Variants in NBAS observed in about 807,000 individuals in gnomAD.
NBAS encodes NBAS subunit of NRZ tethering complex.
A neutral mutation model predicts 302.5 loss-of-function variants in NBAS; 219 were observed. That is an observed-to-expected ratio of 0.72 (90% CI 0.65 to 0.81). The LOEUF is 0.81. NBAS is among the 30% of genes least tolerant of loss of function. NBAS has a pLI of 0.00. For synonymous variants in NBAS, 1,118 were observed against 1,021.6 expected (o/e 1.09, Z -1.80); for missense variants, 2,932 against 2,841.6 (o/e 1.03, Z -0.72).
the NBAS span, among the ~76,000 whole-genome samples, chr2:15,024,519 T>C: frequency 2.6e-5 from 4 of 152,212 alleles, no homozygotes; most frequent in African/African-American, 9.6e-5. Flanking sequence ...TAGTTCTGTT[T>C]TTAGTTCTTT....
chr2:15,134,755 T>A, the NBAS span, among the ~76,000 whole-genome samples: 1 of 152,222 alleles, frequency 6.6e-6, no homozygotes, highest in Non-Finnish European at 1.5e-5. Context: ...ATGGCTTGTA[T>A]ATCTACCCTT....
chr2:15,557,906 TA>T (rs1262671076), intron 2 of NBAS, among the ~76,000 whole-genome samples: 24 of 152,206 alleles, frequency 1.6e-4, no homozygotes, highest in African/African-American at 5.6e-4. Context: ...TGTCAGGAGT[TA>T]AATGAATACC....
chr2:14,858,699 G>T, the NBAS span, among the ~76,000 whole-genome samples: 1 of 152,044 alleles, frequency 6.6e-6, no homozygotes, highest in African/African-American at 2.4e-5. Flanking sequence ...AGGAAGTGGA[G>T]ATGGTTAATG....
intron 18 of NBAS, 121 bp from the exon 19 acceptor site, chr2:15,467,528 C>A: frequency 7.8e-7 from 1 of 1,284,402 alleles, no homozygotes; most frequent in Non-Finnish European, 1.1e-6. Flanking sequence ...CAGAAAAGCA[C>A]AAGGGTAAGA....
intron 48 of NBAS, among the ~76,000 whole-genome samples, chr2:15,210,842 T>C (rs141361623): frequency 6.6e-6 from 1 of 152,000 alleles, no homozygotes; most frequent in African/African-American, 2.4e-5. Context: ...GAACTGGAGG[T>C]CATAATGTTA....
At chr2:15,399,935 A>T (rs1177800022) in intron 26 of NBAS, among the ~76,000 whole-genome samples, 2 of 152,248 alleles carry the variant, frequency 1.3e-5, no homozygotes, top group Non-Finnish European at 2.9e-5. Context: ...GATTCCATGT[A>T]CAATTAAACC....
the NBAS span, among the ~76,000 whole-genome samples, chr2:14,859,766 T>C: frequency 6.6e-6 from 1 of 152,176 alleles, no homozygotes; most frequent in East Asian, 1.9e-4. Context: ...CTCCAGGACA[T>C]TGGTCTGGGC....
At chr2:14,886,728 C>T in the NBAS span, 3 of 152,182 alleles carry the variant, frequency 2.0e-5, no homozygotes, top group East Asian at 1.9e-4. Flanking sequence ...CATCTTCCTC[C>T]GAGGGAAATG....
Position 15,377,750 on chromosome 2 carries a change from T to C in NBAS, c.3590+1852A>G, listed in dbSNP as rs112509925. Among the ~76,000 whole-genome samples the C allele has an allele frequency of 7.1e-3, 1,082 of 152,284 alleles. 10 individuals carry two copies. Among genetic ancestry groups the C allele is most frequent in the African/African-American group, 0.022 (920 of 41,552 alleles). ...CCACTCAACACAATGCTGTAAAGCATATGAAAATGCTGCAGATCTGTATAC... is the reference window on the plus strand; with the variant it reads ...CCACTCAACACAATGCTGTAAAGCACATGAAAATGCTGCAGATCTGTATAC... On this transcript the variant is annotated intron_variant, in intron 30 of 51. Coordinates refer to ENST00000281513, the MANE Select transcript of NBAS (RefSeq NM_015909.4).
At chr2:14,792,854 T>A in the NBAS span, among the ~76,000 whole-genome samples, 1 of 152,160 alleles carries the variant, frequency 6.6e-6, no homozygotes, top group Non-Finnish European at 1.5e-5. Context: ...ATTATCTGAC[T>A]AGAGTTTTAA....
intron 51 of NBAS, among the ~76,000 whole-genome samples, chr2:15,178,349 T>C (rs1011692122): frequency 6.6e-6 from 1 of 152,176 alleles, no homozygotes; most frequent in South Asian, 2.1e-4. Context: ...TCATACAACA[T>C]GAGTTCGTTA....
rs372750980 is a variant in NBAS, at chr2:15,394,352, A to G, written c.3135-3T>C. Reference sequence around the variant, plus strand: ...GTTTTTCCAAAAGCTCTGACACACTATAAGTGAAAAAAGAATTATTTAATG... The same window carrying G: ...GTTTTTCCAAAAGCTCTGACACACTGTAAGTGAAAAAAGAATTATTTAATG... On this transcript the variant is annotated splice_region_variant and splice_polypyrimidine_tract_variant and intron_variant, in intron 27 of 51. Transcript: ENST00000281513. 53 of 1,612,564 alleles carry G rather than the reference A, an allele frequency of 3.3e-5. No individual in the cohort carries two copies. Among genetic ancestry groups the G allele is most frequent in the South Asian group, 4.4e-5 (4 of 91,060 alleles).
intron 48 of NBAS, among the ~76,000 whole-genome samples, chr2:15,207,566 A>G (rs1263966224): frequency 1.3e-5 from 2 of 152,162 alleles, no homozygotes; most frequent in Non-Finnish European, 2.9e-5. Flanking sequence ...CCCCACCCAA[A>G]TTGCAACTCA....
At chr2:14,928,894 C>G in the NBAS span, among the ~76,000 whole-genome samples, 3 of 152,114 alleles carry the variant, frequency 2.0e-5, no homozygotes, top group African/African-American at 7.2e-5. Context: ...GGACTTGGAG[C>G]ACAATAGAGA....
At chr2:15,428,332 T>C (rs1285315911) in intron 21 of NBAS, among the ~76,000 whole-genome samples, 1 of 152,240 alleles carries the variant, frequency 6.6e-6, no homozygotes, top group East Asian at 1.9e-4. Context: ...TAGCCACATG[T>C]GGCCAGTGGC....
the NBAS span, among the ~76,000 whole-genome samples, chr2:14,975,430 T>C: frequency 6.6e-6 from 1 of 152,232 alleles, no homozygotes; most frequent in Non-Finnish European, 1.5e-5. Flanking sequence ...GCAACACCCA[T>C]TGATACTACT....
intron 36 of NBAS, among the ~76,000 whole-genome samples, chr2:15,329,313 T>C (rs980785647): frequency 1.3e-5 from 2 of 152,152 alleles, no homozygotes; most frequent in African/African-American, 2.4e-5. Flanking sequence ...GTTTGGACCA[T>C]TGTTCTTAGG....
intron 47 of NBAS, among the ~76,000 whole-genome samples, chr2:15,220,317 A>C (rs892937738): frequency 5.3e-5 from 8 of 152,244 alleles, no homozygotes; most frequent in African/African-American, 1.9e-4. Flanking sequence ...TGCTGACAAT[A>C]ATTAAGCAAA....
intron 11 of NBAS, among the ~76,000 whole-genome samples, chr2:15,500,486 T>C (rs1447919484): frequency 7.0e-6 from 1 of 143,560 alleles, no homozygotes; most frequent in Admixed American, 7.3e-5. Flanking sequence ...TTCTACACCA[T>C]TATATTTTAG....
Sources: gnomAD v4.1 joint callset for allele counts (sites outside exome capture counted in the v4.1 genomes callset) on GRCh38, gnomAD v4.1.1 for gene constraint, MANE v1.5 for transcripts, NCBI Gene and HGNC (gene_info 2026-07-23, HGNC 2026-07-21) for gene names.